Variants in PDE3A observed in about 807,000 individuals in gnomAD.
PDE3A encodes cGMP-inhibited 3',5'-cyclic phosphodiesterase 3A.
PDE3A carries 43 observed loss-of-function variants against 98.3 expected under a neutral mutation model. That is an observed-to-expected ratio of 0.44 (90% CI 0.34 to 0.56). The LOEUF (loss-of-function observed/expected upper bound fraction) is 0.56. Ranked by LOEUF, PDE3A falls within the 20% of genes least tolerant of loss-of-function variation. The pLI is 0.01. For synonymous variants in PDE3A, 663 were observed against 567.9 expected (o/e 1.17, Z -2.38); for missense variants, 1,427 against 1,440.7 (o/e 0.99, Z 0.15).
intron 1 of PDE3A, among the ~76,000 whole-genome samples, chr12:20,470,441 A>T (rs1326856208): frequency 6.6e-6 from 1 of 152,126 alleles, no homozygotes; most frequent in Admixed American, 6.6e-5. Flanking sequence ...GGTTTCAAGT[A>T]TGAACACTGT....
At chr12:20,616,587 T>C (rs1944013278) in intron 4 of PDE3A, among the ~76,000 whole-genome samples, 1 of 152,132 alleles carries the variant, frequency 6.6e-6, no homozygotes, top group African/African-American at 2.4e-5. Context: ...TGTGTGGCCT[T>C]ATATATAAGT....
chr12:20,601,228 CTTTT>C (rs1296782898), intron 2 of PDE3A, among the ~76,000 whole-genome samples: 28 of 140,980 alleles, frequency 2.0e-4, no homozygotes, highest in Middle Eastern at 3.7e-3. Flanking sequence ...AGCTCCAAGG[CTTTT>C]TGTTTGTTTG....
At chr12:20,644,863 C>G (rs1944737085) in intron 10 of PDE3A, among the ~76,000 whole-genome samples, 2 of 144,978 alleles carry the variant, frequency 1.4e-5, no homozygotes, top group Admixed American at 1.4e-4. Flanking sequence ...CCCTCCTCCC[C>G]CTCTTCCCCC....
At chr12:20,446,413 T>C (rs1944954655) in intron 1 of PDE3A, among the ~76,000 whole-genome samples, 1 of 152,134 alleles carries the variant, frequency 6.6e-6, no homozygotes, top group African/African-American at 2.4e-5. Context: ...TCATTATGTG[T>C]TAGATTTCAT....
intron 12 of PDE3A, among the ~76,000 whole-genome samples, chr12:20,647,651 T>C (rs981802689): frequency 1.1e-4 from 16 of 152,218 alleles, no homozygotes; most frequent in African/African-American, 3.6e-4. Context: ...TCATTCAATA[T>C]TGACTTTTCT....
At chr12:20,581,430 G>T (rs1233441978) in intron 2 of PDE3A, among the ~76,000 whole-genome samples, 1 of 152,072 alleles carries the variant, frequency 6.6e-6, no homozygotes, top group Non-Finnish European at 1.5e-5. Flanking sequence ...CAGAGAACAT[G>T]CTTCACAGCT....
intron 2 of PDE3A, among the ~76,000 whole-genome samples, chr12:20,613,053 T>C (rs1943908236): frequency 6.6e-6 from 1 of 152,120 alleles, no homozygotes; most frequent in South Asian, 2.1e-4. Flanking sequence ...AATAACATTT[T>C]ATGGTATATT....
At chr12:20,616,724 A>C (rs147720329) in intron 4 of PDE3A, among the ~76,000 whole-genome samples, 40 of 152,252 alleles carry the variant, frequency 2.6e-4, no homozygotes, top group Middle Eastern at 3.4e-3. Flanking sequence ...AAAAGCATAC[A>C]ACTTGACATT....
chr12:20,663,958 G>A lies in PDE3A; in HGVS notation c.3184+9753G>A, dbSNP rs181852939. 2.8e-4 allele frequency among the ~76,000 whole-genome samples: 42 copies of A among 152,220 alleles called. No homozygotes were observed. The East Asian group carries it at 5.8e-3, about 21-fold the overall frequency. ...AGTTTACATAATCTCCATGTGTTGCGGGAGGGACCCAGTGGGAGGTAATTG... is the reference window on the plus strand; with the variant it reads ...AGTTTACATAATCTCCATGTGTTGCAGGAGGGACCCAGTGGGAGGTAATTG... On this transcript the variant is annotated intron_variant, in intron 15 of 15. Transcript: ENST00000359062.
chr12:20,470,438 A>G (rs1395563329), intron 1 of PDE3A, among the ~76,000 whole-genome samples: 1 of 152,118 alleles, frequency 6.6e-6, no homozygotes, highest in Non-Finnish European at 1.5e-5. Flanking sequence ...CAGGGTTTCA[A>G]GTATGAACAC....
intron 1 of PDE3A, among the ~76,000 whole-genome samples, chr12:20,491,987 G>C (rs1425684376): frequency 7.4e-6 from 1 of 134,778 alleles, no homozygotes; most frequent in Non-Finnish European, 1.7e-5. Context: ...TTAGTACAGA[G>C]AGTTTTTTTT....
intron 2 of PDE3A, among the ~76,000 whole-genome samples, chr12:20,560,829 C>T (rs906890844): frequency 5.3e-5 from 8 of 152,106 alleles, no homozygotes; most frequent in African/African-American, 1.9e-4. Context: ...TTTGGCACTT[C>T]TTTATGTGTT....
In PDE3A at chr12:20,593,039, T is replaced by C. The variant is rs1943376503; in HGVS notation, c.1012-20404T>C. The stretch of plus-strand genomic sequence containing the variant: ...AATCTGGCAAGGAATTTAGTCATAA[T>C]TAGCAATACAACAATATCATAATAG... On this transcript the variant is annotated intron_variant, in intron 2 of 15. Transcript: ENST00000359062. 2.0e-5 allele frequency among the ~76,000 whole-genome samples: 3 copies of C among 152,314 alleles called. No individual in the cohort carries two copies. The South Asian group carries it at 6.2e-4, about 32-fold the overall frequency.
intron 1 of PDE3A, among the ~76,000 whole-genome samples, chr12:20,400,379 GTTTTTTTTTTTTT>G (rs75851941): frequency 3.1e-4 from 34 of 110,262 alleles, no homozygotes; most frequent in African/African-American, 1.0e-3. Context: ...GTTAACATTG[GTTTTTTTTTTTTT>G]TTTTTTTTTT....
rs144500518 is a variant in PDE3A at position 20,369,979 on chromosome 12, T to A, written c.695T>A (p.Phe232Tyr). ...RTVSLISLERFKVAWRPYLAY... is the reference protein window; with the variant it reads ...RTVSLISLERYKVAWRPYLAY... Reference sequence around the variant, plus strand: ...GTGTCCCTCATTTCCTTAGAGAGGTTCAAGGTCGCCTGGAGACCTTACCTG... The same window carrying A: ...GTGTCCCTCATTTCCTTAGAGAGGTACAAGGTCGCCTGGAGACCTTACCTG... Residue 232 changes from phenylalanine (F) to tyrosine (Y), a missense_variant, in exon 1 of 16, where the codon TTC becomes TAC. By Grantham distance (22) the Phe-to-Tyr change is conservative. Coordinates refer to ENST00000359062, the MANE Select transcript of PDE3A (RefSeq NM_000921.5). 7 of 1,613,348 alleles carry A rather than the reference T, an allele frequency of 4.3e-6. No homozygotes were observed. In the African/African-American group the frequency reaches 9.3e-5, roughly 22 times the overall value.
rs747794203 is a variant in PDE3A, at chr12:20,369,541, G to C, written c.257G>C (p.Gly86Ala). 4 of 1,558,180 alleles carry C rather than the reference G, an allele frequency of 2.6e-6. No individual in the cohort carries two copies. The highest frequency in any genetic ancestry group is 2.6e-6 in the Non-Finnish European group (3 of 1,151,510). The change falls in exon 1 of 16, where the codon GGC becomes GCC. Residue 86 changes from glycine to alanine, a missense_variant. Gly to Ala is a moderately conservative substitution (Grantham distance 60, BLOSUM62 0). This residue lies in a region of PDE3A where 1,012 missense variants were observed against 886.5 expected (regional missense o/e 1.14). Transcript: ENST00000359062. ...LLVRLVRGEV[G>A]CDLEQCKEAA... ...GTGAGGCTGGTCCGCGGGGAGGTCG[G>C]CTGTGACCTGGAGCAGTGTAAGGAG... is the stretch of plus-strand genomic sequence containing the variant.
chr12:20,466,242 C>T (rs566636980), intron 1 of PDE3A, among the ~76,000 whole-genome samples: 4 of 152,194 alleles, frequency 2.6e-5, no homozygotes, highest in Non-Finnish European at 4.4e-5. Flanking sequence ...GATGCTTCTA[C>T]GGAGCACAAA....
chr12:20,637,291 G>C, intron 9 of PDE3A, 54 bp downstream of exon 9: 1 of 1,370,408 alleles, frequency 7.3e-7, no homozygotes, highest in Non-Finnish European at 1.0e-6. Flanking sequence ...CAGTTCCTTT[G>C]TTGCTTAAAG....
chr12:20,455,774 G>A (rs985778438), intron 1 of PDE3A, among the ~76,000 whole-genome samples: 1 of 152,006 alleles, frequency 6.6e-6, no homozygotes, highest in Non-Finnish European at 1.5e-5. Context: ...ATGTTTTTGA[G>A]TATTCAAAAA....
Sources: gnomAD v4.1 joint callset for allele counts (sites outside exome capture counted in the v4.1 genomes callset) on GRCh38, gnomAD v4.1.1 for gene constraint, gnomAD v4.1.1 regional missense constraint, MANE v1.5 for transcripts, NCBI Gene and HGNC (gene_info 2026-07-23, HGNC 2026-07-21) for gene names.